Variants in SBNO2 observed in about 807,000 individuals in gnomAD.
SBNO2 encodes the protein strawberry notch homolog 2, also known as protein strawberry notch homolog 2.
Under a neutral mutation model 146.3 loss-of-function variants are expected in SBNO2, and 89 were observed. The observed-to-expected ratio is 0.61, with a 90% CI of 0.51 to 0.73. The LOEUF (loss-of-function observed/expected upper bound fraction) is 0.73. Ranked by LOEUF, SBNO2 falls within the 30% of genes least tolerant of loss-of-function variation. The probability of loss-of-function intolerance (pLI) is 0.00; values close to 1 mark genes in which losing one functional copy is unlikely to be tolerated. For missense variants in SBNO2, 2,092 were observed against 2,003.7 expected, an observed-to-expected ratio of 1.04 and a Z score of -0.84; for synonymous variants, 1,147 against 892.6, an observed-to-expected ratio of 1.29 and a Z score of -5.08.
rs142180762 is a variant in SBNO2, at chr19:1,111,650, G to A, written c.2701-36C>T. The stretch of plus-strand genomic sequence containing the variant: ...AAGGTGACTCGGGGAGGAGGCCCAG[G>A]GAGGAGGCTGGCTTTCCCTGGACCC... On this transcript the variant is annotated intron_variant, in intron 23 of 31. Coordinates refer to ENST00000361757, the MANE Select transcript of SBNO2 (RefSeq NM_014963.3). The A allele has an allele frequency of 6.1e-4, 917 of 1,494,428 alleles. 3 individuals are homozygous for A. In the African/African-American group the frequency reaches 0.011, roughly 18 times the overall value. 92.6% of individuals were successfully genotyped at this position (1,494,428 alleles called of 1,614,324 possible).
chr19:1,116,200 G>A, intron 16 of SBNO2, 97 bp from the exon 17 acceptor site: 4 of 1,129,186 alleles, frequency 3.5e-6, no homozygotes, highest in South Asian at 1.4e-5. Context: ...CCCTGTGGGG[G>A]TCCCGGACAG....
At chr19:1,151,394 G>C (rs1054936931) in intron 2 of SBNO2, among the ~76,000 whole-genome samples, 3 of 152,196 alleles carry the variant, frequency 2.0e-5, no homozygotes, top group African/African-American at 7.2e-5. Context: ...TAGGGGATGG[G>C]ACGGGGGGAA....
In SBNO2 at chr19:1,109,602, C is replaced by A. The variant is rs377018950; in HGVS notation, c.3124-4G>T. On this transcript the variant is annotated splice_region_variant and splice_polypyrimidine_tract_variant and intron_variant, in intron 27 of 31. Coordinates refer to ENST00000361757, the MANE Select transcript of SBNO2 (RefSeq NM_014963.3). The surrounding 1 kb of genome is among the most constrained non-coding windows in gnomAD (Gnocchi z 4.2). The stretch of plus-strand genomic sequence containing the variant: ...TCAGGCCGCGGTCCACGCTGATCTG[C>A]CACGGCACGGGGTGGGGGGGTGTGA... The A allele has an allele frequency of 1.0e-4, 164 of 1,576,886 alleles. No homozygotes were observed. The highest frequency in any genetic ancestry group is 1.3e-4 in the Non-Finnish European group (147 of 1,162,512).
In SBNO2 at chr19:1,110,171, G is replaced by A. The variant is rs916842558; in HGVS notation, c.3029-394C>T. On this transcript the variant is annotated intron_variant, in intron 26 of 31. Transcript: ENST00000361757. This position sits in a 1 kb window ranked among gnomAD's most constrained non-coding sequence, Gnocchi z 4.9. Reference sequence around the variant, plus strand: ...GGGTGACCCCAAGCAGGCTGTGGGGGATCGTGGGAGCCTGGTTGGCTGCGG... The same window carrying A: ...GGGTGACCCCAAGCAGGCTGTGGGGAATCGTGGGAGCCTGGTTGGCTGCGG... Among the ~76,000 whole-genome samples, 3 of 152,100 alleles carry A rather than the reference G, an allele frequency of 2.0e-5. No individual in the cohort carries two copies. The highest frequency in any genetic ancestry group is 4.4e-5 in the Non-Finnish European group (3 of 67,978).
intron 5 of SBNO2, 156 bp downstream of exon 5, chr19:1,127,448 A>AC (rs1411830262): frequency 1.4e-6 from 1 of 715,472 alleles, no homozygotes; most frequent in Non-Finnish European, 2.4e-6. Flanking sequence ...TCAACTAACC[A>AC]CCTCATCCAT....
rs573139467 is a variant in SBNO2 at position 1,166,875 on chromosome 19, C to A, written c.-127+7297G>T. Among the ~76,000 whole-genome samples the A allele has an allele frequency of 2.0e-5, 3 of 152,284 alleles. No homozygotes were observed. The South Asian group carries it at 6.2e-4, about 32-fold the overall frequency. On this transcript the variant is annotated intron_variant, in intron 1 of 31. Coordinates refer to ENST00000361757, the MANE Select transcript of SBNO2 (RefSeq NM_014963.3). ...TACTGTCACTGCCTCACATCAGCGG[C>A]CTCAGGCCACAAGGTCTCCCCACCT...
intron 4 of SBNO2, among the ~76,000 whole-genome samples, chr19:1,137,203 T>TCGGGCC (rs1223895250): frequency 2.3e-5 from 2 of 88,608 alleles, no homozygotes; most frequent in African/African-American, 1.0e-4. Flanking sequence ...TGGGGGAGGC[T>TCGGGCC]GGCACTGGGG....
intron 1 of SBNO2, among the ~76,000 whole-genome samples, chr19:1,163,320 C>T (rs993368931): frequency 3.3e-5 from 5 of 152,324 alleles, no homozygotes; most frequent in East Asian, 3.9e-4. Context: ...GCTGGAGTGA[C>T]GCGGCCGCAG....
chr19:1,129,872 G>C (rs927727865), intron 4 of SBNO2, among the ~76,000 whole-genome samples: 4 of 152,182 alleles, frequency 2.6e-5, no homozygotes, highest in Admixed American at 2.6e-4. Context: ...CGTGGACAGA[G>C]GGAAGGGACC....
intron 12 of SBNO2, 29 bp downstream of exon 12, chr19:1,119,876 GT>G (rs755464472): frequency 8.8e-6 from 13 of 1,477,620 alleles, no homozygotes; most frequent in African/African-American, 1.4e-5. Flanking sequence ...GCTGCTGCGG[GT>G]GGGTCACGTG....
intron 2 of SBNO2, 136 bp downstream of exon 2, chr19:1,154,048 C>T (rs906289524): frequency 2.4e-5 from 10 of 418,824 alleles, no homozygotes; most frequent in Middle Eastern, 6.2e-4. Context: ...AGCCGGGCTC[C>T]GGGCCAGGAA....
rs778770819 is a variant in SBNO2, at chr19:1,127,776, A to C, written c.280-11T>G. The C allele has an allele frequency of 6.2e-7, 1 of 1,612,030 alleles. No homozygotes were observed. Among genetic ancestry groups the C allele is most frequent in the Non-Finnish European group, 8.5e-7 (1 of 1,178,668 alleles). ...AAAATAGGAGGAGTCCTGGAAGACAAGGCCAGGCCCGGTGAGGGTGGTACG... is the reference window on the plus strand; with the variant it reads ...AAAATAGGAGGAGTCCTGGAAGACACGGCCAGGCCCGGTGAGGGTGGTACG... On this transcript the variant is annotated splice_polypyrimidine_tract_variant and intron_variant, in intron 4 of 31. Coordinates refer to ENST00000361757, the MANE Select transcript of SBNO2 (RefSeq NM_014963.3).
intron 9 of SBNO2, 22 bp from the exon 10 acceptor site, chr19:1,122,580 C>A (rs377743019): frequency 6.6e-7 from 1 of 1,521,970 alleles, no homozygotes; most frequent in Non-Finnish European, 8.8e-7. Flanking sequence ...GGGCGTCAGG[C>A]GCGCCCACCC....
At chr19:1,160,539 C>T (rs1430758283) in intron 1 of SBNO2, among the ~76,000 whole-genome samples, 4 of 152,086 alleles carry the variant, frequency 2.6e-5, no homozygotes, top group African/African-American at 9.7e-5. Context: ...CCGGGGGTCT[C>T]GTCCCTGCAG....
At chr19:1,116,131 C>T in intron 16 of SBNO2, 28 bp from the exon 17 acceptor site, 1 of 1,589,732 alleles carries the variant, frequency 6.3e-7, no homozygotes, top group Non-Finnish European at 8.6e-7. Flanking sequence ...AGTTTATTCT[C>T]ACACGAGGAG....
rs551054380 is a variant in SBNO2, at chr19:1,132,339, C to T, written c.280-4574G>A. On this transcript the variant is annotated intron_variant, in intron 4 of 31. Transcript: ENST00000361757. ...CGGGGCTGACTTTCAGGAAATGATG[C>T]CGGCCCCGTAAGTCAGGGCAATTAC... 7.8e-5 allele frequency: 99 copies of T among 1,263,578 alleles called. 1 individual carries two copies. Among genetic ancestry groups the T allele is most frequent in the Middle Eastern group, 6.0e-4 (2 of 3,340 alleles). 78.3% of individuals were successfully genotyped at this position (1,263,578 alleles called of 1,614,324 possible). A position where few individuals can be genotyped will look rare whatever the true frequency, so the allele number is the denominator to read the frequency against.
At position 1,154,349 on chromosome 19, in the gene SBNO2, C is replaced by T. The variant is rs1244482779; in HGVS notation, c.-73G>A. On this transcript the variant is annotated 5_prime_UTR_variant, in exon 2 of 32. Transcript: ENST00000361757. ...ACTCCAGGACCCGGGGCCGCCGGGGCGTCTATCTGGGCTTCTCGCTCCGTG... is the reference window on the plus strand; with the variant it reads ...ACTCCAGGACCCGGGGCCGCCGGGGTGTCTATCTGGGCTTCTCGCTCCGTG... The T allele has an allele frequency of 2.9e-5, 24 of 826,248 alleles. No homozygotes were observed. Among genetic ancestry groups the T allele is most frequent in the Admixed American group, 8.7e-5 (2 of 23,062 alleles). 51.2% of individuals were successfully genotyped at this position (826,248 alleles called of 1,614,324 possible).
chr19:1,147,917 G>A (rs146755110), intron 3 of SBNO2, among the ~76,000 whole-genome samples: 61 of 152,286 alleles, frequency 4.0e-4, no homozygotes, highest in African/African-American at 1.3e-3. Flanking sequence ...GATGGCAAAG[G>A]ACACAGCAAG....
rs753073035 is a variant in SBNO2, at chr19:1,117,511, C to T, written c.1528-12G>A. 35 of 1,564,410 alleles carry T rather than the reference C, an allele frequency of 2.2e-5. No homozygotes were observed. Among genetic ancestry groups the T allele is most frequent in the African/African-American group, 4.1e-5 (3 of 73,388 alleles). On this transcript the variant is annotated splice_polypyrimidine_tract_variant and intron_variant, in intron 14 of 31. Coordinates refer to ENST00000361757, the MANE Select transcript of SBNO2 (RefSeq NM_014963.3). ...AGGGCCTCGGCCCACTGCAATGACACGTCACAAGGCGCCCCTGAGCTGTGG... is the reference window on the plus strand; with the variant it reads ...AGGGCCTCGGCCCACTGCAATGACATGTCACAAGGCGCCCCTGAGCTGTGG...
Sources: allele counts gnomAD v4.1 joint callset (sites outside exome capture counted in the v4.1 genomes callset), GRCh38; gene constraint gnomAD v4.1.1; non-coding constraint Gnocchi (gnomAD v3.1); transcripts MANE v1.5; gene names NCBI Gene and HGNC (gene_info 2026-07-23, HGNC 2026-07-21).